Variants in CFAP54 observed in about 807,000 individuals in gnomAD.
CFAP54 encodes cilia- and flagella-associated protein 54.
CFAP54 carries 290 observed loss-of-function variants against 370.4 expected under a neutral mutation model. That is an observed-to-expected ratio of 0.78 (90% CI 0.71 to 0.86). The LOEUF (loss-of-function observed/expected upper bound fraction) is 0.86. Among genes scored for constraint, CFAP54 ranks in the 40% least tolerant of loss-of-function variants. The pLI is 0.00. For missense variants in CFAP54, 3,399 were observed against 3,528.7 expected (o/e 0.96, Z 0.93); for synonymous variants, 1,206 against 1,236.5 (o/e 0.98, Z 0.52).
At chr12:96,791,693 GA>G (rs1271200943) in intron 62 of CFAP54, among the ~76,000 whole-genome samples, 3 of 152,112 alleles carry the variant, frequency 2.0e-5, no homozygotes, top group Admixed American at 2.0e-4. Context: ...ATTCACCAGT[GA>G]AAAAAACAGA....
intron 63 of CFAP54, among the ~76,000 whole-genome samples, chr12:96,811,282 T>C (rs183088364): frequency 1.0e-3 from 157 of 152,260 alleles, no homozygotes; most frequent in African/African-American, 3.6e-3. Flanking sequence ...ATCTTAGCTG[T>C]GGTGGCTAGA....
intron 23 of CFAP54, among the ~76,000 whole-genome samples, chr12:96,591,041 C>A (rs1956118697): frequency 6.6e-6 from 1 of 152,030 alleles, no homozygotes; most frequent in South Asian, 2.1e-4. Flanking sequence ...CTAGGCATTG[C>A]TTAACATTTA....
In CFAP54 at chr12:96,576,552, CAT is replaced by C. The variant is rs762904569; in HGVS notation, c.2620-28_2620-27del. 2.9e-6 allele frequency: 4 copies of C among 1,395,884 alleles called. No homozygotes were observed. In the South Asian group the frequency reaches 4.0e-5, roughly 14 times the overall value. 86.5% of individuals were successfully genotyped at this position (1,395,884 alleles called of 1,614,324 possible). On this transcript the variant is annotated intron_variant, in intron 19 of 67. Coordinates refer to ENST00000524981, the MANE Select transcript of CFAP54 (RefSeq NM_001306084.2). The stretch of plus-strand genomic sequence containing the variant: ...ACGTAAATAGAGTTCAAGCTCTTGA[CAT>C]ATATTTTTCTATTTTCATATTTCAT...
chr12:96,499,091 C>T (rs1368635688), intron 1 of CFAP54, among the ~76,000 whole-genome samples: 1 of 152,020 alleles, frequency 6.6e-6, no homozygotes, highest in Non-Finnish European at 1.5e-5. Flanking sequence ...TGATTCTCCT[C>T]CTGAGTAGCA....
At chr12:96,650,789 G>A (rs1213723014) in intron 35 of CFAP54, among the ~76,000 whole-genome samples, 1 of 152,138 alleles carries the variant, frequency 6.6e-6, no homozygotes, top group African/African-American at 2.4e-5. Context: ...ATAATGTAAT[G>A]TAAACCTGGA....
At chr12:96,866,672 A>C (rs1485218963) in intron 67 of CFAP54, among the ~76,000 whole-genome samples, 1 of 152,156 alleles carries the variant, frequency 6.6e-6, no homozygotes, top group African/African-American at 2.4e-5. Context: ...CACAAGATTC[A>C]CAAGAATTTA....
chr12:96,828,338 G>A (rs907848180), intron 65 of CFAP54, among the ~76,000 whole-genome samples: 3 of 151,590 alleles, frequency 2.0e-5, no homozygotes, highest in Admixed American at 6.6e-5. Context: ...TTGAACTGGC[G>A]GATCAGGAGC....
rs141612339 is a variant in CFAP54, at chr12:96,634,563, A to G, written c.4316+3912A>G. Among the ~76,000 whole-genome samples, 714 of 152,222 alleles carry G rather than the reference A, an allele frequency of 4.7e-3. 4 individuals are homozygous for G. Among genetic ancestry groups the G allele is most frequent in the African/African-American group, 0.016 (677 of 41,520 alleles). On this transcript the variant is annotated intron_variant, in intron 32 of 67. Coordinates refer to ENST00000524981, the MANE Select transcript of CFAP54 (RefSeq NM_001306084.2). ...TGTGGCTTGTCTTCTCATCCTCTTCACAGATTCTTTTGCAGAGCACAATTT... is the reference window on the plus strand; with the variant it reads ...TGTGGCTTGTCTTCTCATCCTCTTCGCAGATTCTTTTGCAGAGCACAATTT...
intron 1 of CFAP54, among the ~76,000 whole-genome samples, chr12:96,499,947 A>AAAAC (rs1565875487): frequency 2.7e-5 from 4 of 148,684 alleles, no homozygotes; most frequent in Non-Finnish European, 3.0e-5. Context: ...ACTCCATCTC[A>AAAAC]AAAACAAAAC....
intron 63 of CFAP54, among the ~76,000 whole-genome samples, chr12:96,800,134 A>ATAT (rs1441682339): frequency 6.6e-6 from 1 of 152,218 alleles, no homozygotes; most frequent in Non-Finnish European, 1.5e-5. Context: ...TCACAGAAAC[A>ATAT]CCATATCCAT....
Position 96,640,580 on chromosome 12 carries a change from A to C in CFAP54, c.4317-3598A>C, listed in dbSNP as rs139264535. Among the ~76,000 whole-genome samples the C allele has an allele frequency of 8.4e-3, 1,277 of 152,310 alleles. 53 individuals are homozygous for C. The East Asian group carries it at 0.095, about 11-fold the overall frequency. On this transcript the variant is annotated intron_variant, in intron 32 of 67. Coordinates refer to ENST00000524981, the MANE Select transcript of CFAP54 (RefSeq NM_001306084.2). The stretch of plus-strand genomic sequence containing the variant: ...CACAGAATTGGAAAAACCTACTTTA[A>C]AGTTCATATAGAACCAAAAAAGAGC...
In CFAP54 at chr12:96,684,668, C is replaced by A; in HGVS notation, c.5737C>A (p.Gln1913Lys). 1 of 1,612,174 alleles carries A rather than the reference C, an allele frequency of 6.2e-7. No homozygotes were observed. Among genetic ancestry groups the A allele is most frequent in the Non-Finnish European group, 8.5e-7 (1 of 1,179,252 alleles). The stretch of plus-strand genomic sequence containing the variant: ...TATAGATGTTCTCCAAGCCAGCAAT[C>A]AAAGAAGTCTTAAAGTTCAGGCGTT... Reference protein sequence around the residue: ...QTQDVLQASNQRSLKVQALHS... With the variant: ...QTQDVLQASNKRSLKVQALHS... Residue 1913 changes from glutamine (Q) to lysine (K), a missense_variant, in exon 41 of 68, where the codon CAA becomes AAA. This residue lies in a region of CFAP54 where 2,796 missense variants were observed against 2,869.7 expected (regional missense o/e 0.97). Transcript: ENST00000524981.
intron 44 of CFAP54, 74 bp downstream of exon 44, chr12:96,691,384 T>C: frequency 9.0e-7 from 1 of 1,108,804 alleles, no homozygotes; most frequent in Non-Finnish European, 1.2e-6. Context: ...TTTTAAAATT[T>C]TGCTAATGTT....
intron 22 of CFAP54, among the ~76,000 whole-genome samples, chr12:96,586,233 A>C (rs973834595): frequency 4.6e-5 from 7 of 152,092 alleles, no homozygotes; most frequent in African/African-American, 1.4e-4. Context: ...GGGTCTGGGA[A>C]TTTGCATTTC....
In CFAP54 at chr12:96,753,843, T is replaced by C; in HGVS notation, c.7785T>C (p.Cys2595=). The C allele has an allele frequency of 6.2e-7, 1 of 1,614,056 alleles. No individual in the cohort carries two copies. The highest frequency in any genetic ancestry group is 1.1e-5 in the South Asian group (1 of 91,064). Residue 2595 remains cysteine, a synonymous_variant, in exon 56 of 68, where the codon TGT becomes TGC. Coordinates refer to ENST00000524981, the MANE Select transcript of CFAP54 (RefSeq NM_001306084.2). ...TGTTTGATGTGGCACTGAAGCTCTG[T>C]AGAACAACAGCAGTGGAGGAACATG... The part of the protein sequence containing the change: ...LHLFDVALKL[C]RTTAVEEHEV...
At chr12:96,526,432 A>G (rs1955382117) in intron 8 of CFAP54, among the ~76,000 whole-genome samples, 1 of 152,194 alleles carries the variant, frequency 6.6e-6, no homozygotes, top group African/African-American at 2.4e-5. Flanking sequence ...TATTTATACT[A>G]CTAAATACTG....
chr12:96,874,238 G>A (rs1468334454), intron 67 of CFAP54, among the ~76,000 whole-genome samples: 1 of 152,110 alleles, frequency 6.6e-6, no homozygotes, highest in African/African-American at 2.4e-5. Context: ...TGACACTCCC[G>A]TGGAATTGAT....
At chr12:96,844,788 C>G (rs985591257) in intron 66 of CFAP54, among the ~76,000 whole-genome samples, 2 of 152,182 alleles carry the variant, frequency 1.3e-5, no homozygotes, top group African/African-American at 4.8e-5. Context: ...ACTCTAAGCT[C>G]CTTCTCACCG....
At chr12:96,666,656 T>C (rs1437136606) in intron 39 of CFAP54, among the ~76,000 whole-genome samples, 1 of 152,166 alleles carries the variant, frequency 6.6e-6, no homozygotes, top group East Asian at 1.9e-4. Flanking sequence ...TCCACCCCGA[T>C]GATTCAGTTA....
Sources: gnomAD v4.1 joint callset for allele counts (sites outside exome capture counted in the v4.1 genomes callset) on GRCh38, gnomAD v4.1.1 for gene constraint, gnomAD v4.1.1 regional missense constraint, MANE v1.5 for transcripts, NCBI Gene and HGNC (gene_info 2026-07-23, HGNC 2026-07-21) for gene names.